Variants in FAT3 observed in about 807,000 individuals in gnomAD.
The protein encoded by FAT3 is FAT atypical cadherin 3.
FAT3 carries 95 observed loss-of-function variants against 310.2 expected under a neutral mutation model. That is an observed-to-expected ratio of 0.31 (90% CI 0.26 to 0.36). The LOEUF is 0.36. Among genes scored for constraint, FAT3 ranks in the 10% least tolerant of loss-of-function variants. The probability of loss-of-function intolerance (pLI) is 1.00; values close to 1 mark genes in which losing one functional copy is unlikely to be tolerated. For missense variants in FAT3, 5,408 were observed against 5,715.6 expected, an observed-to-expected ratio of 0.95 and a Z score of 1.74; for synonymous variants, 2,314 against 2,192.9, an observed-to-expected ratio of 1.06 and a Z score of -1.54.
chr11:92,841,799 C>T (rs1413519558), intron 18 of FAT3, among the ~76,000 whole-genome samples: 1 of 152,188 alleles, frequency 6.6e-6, no homozygotes, highest in African/African-American at 2.4e-5. Context: ...TTCCTTTCTT[C>T]AGTCACATTC....
Position 92,705,848 on chromosome 11 carries a change from G to A in FAT3, c.3669+8403G>A, listed in dbSNP as rs1163001217. Among the ~76,000 whole-genome samples the A allele has an allele frequency of 2.1e-3, 259 of 120,790 alleles. 2 individuals carry two copies. Among genetic ancestry groups the A allele is most frequent in the African/African-American group, 7.4e-3 (239 of 32,408 alleles). The allele number at this position is 120,790 out of a possible 152,430, so 79.2% of individuals were successfully genotyped here. ...GTGGTGGTGATGGTGGTGGTGTGAT[G>A]GTGGTAGTGATGGTGGTGGTGTGAT... On this transcript the variant is annotated intron_variant, in intron 4 of 27. Transcript: ENST00000525166.
intron 3 of FAT3, among the ~76,000 whole-genome samples, chr11:92,630,921 T>C (rs1218637970): frequency 6.6e-6 from 1 of 152,240 alleles, no homozygotes. Flanking sequence ...AATGAAAGCA[T>C]GAACCATCTA....
intron 1 of FAT3, among the ~76,000 whole-genome samples, chr11:92,235,432 G>C (rs961114410): frequency 3.9e-5 from 6 of 152,138 alleles, no homozygotes; most frequent in African/African-American, 1.4e-4. Context: ...CACATGCCTT[G>C]TAATGAAATT....
At chr11:92,553,690 TTCCTTCCTTCCTTCCTTC>T (rs1954901751) in intron 3 of FAT3, among the ~76,000 whole-genome samples, 1 of 58,008 alleles carries the variant, frequency 1.7e-5, no homozygotes. Flanking sequence ...CCTTCCTTCC[TTCCTTCCTTCCTTCCTTC>T]CTTCCTTCCT....
rs73550905 is a variant in FAT3 at position 92,460,846 on chromosome 11, G to A, written c.3293-63788G>A. On this transcript the variant is annotated intron_variant, in intron 2 of 27. Transcript: ENST00000525166. ...AACAGGAAGCTTTTTGATATAGAAT[G>A]TTTCTCCTTGAATAGGGGAGGCAAC... Among the ~76,000 whole-genome samples, 1,322 of 152,276 alleles carry A rather than the reference G, an allele frequency of 8.7e-3. 11 individuals are homozygous for A. The highest frequency in any genetic ancestry group is 0.031 in the African/African-American group (1,276 of 41,564).
intron 3 of FAT3, among the ~76,000 whole-genome samples, chr11:92,602,776 A>G (rs1459620312): frequency 1.3e-5 from 2 of 152,220 alleles, no homozygotes; most frequent in African/African-American, 4.8e-5. Flanking sequence ...ATTGATATCT[A>G]GATAGTAGAT....
chr11:92,857,048 T>C (rs1261471009), intron 19 of FAT3, among the ~76,000 whole-genome samples, 166 bp from the exon 20 acceptor site: 1 of 152,198 alleles, frequency 6.6e-6, no homozygotes, highest in African/African-American at 2.4e-5. Context: ...GTGAAGCCCA[T>C]TCAGGTGTGC....
intron 3 of FAT3, among the ~76,000 whole-genome samples, chr11:92,585,555 G>A (rs578717): frequency 2.6e-5 from 4 of 151,846 alleles, no homozygotes; most frequent in African/African-American, 2.4e-5. Context: ...ACAAAGCACC[G>A]GTGCAGCTCC....
intron 2 of FAT3, among the ~76,000 whole-genome samples, chr11:92,492,295 C>CCATT (rs1952629264): frequency 6.7e-6 from 1 of 148,448 alleles, no homozygotes; most frequent in Non-Finnish European, 1.5e-5. Flanking sequence ...ATCCATTCAT[C>CCATT]CATCCATCCA....
intron 6 of FAT3, among the ~76,000 whole-genome samples, chr11:92,765,791 G>GT (rs929666906): frequency 4.0e-5 from 6 of 150,722 alleles, no homozygotes; most frequent in African/African-American, 1.2e-4. Flanking sequence ...TTTTTTTGAG[G>GT]GGGGGGTTGT....
At chr11:92,410,975 A>T (rs1009861381) in intron 2 of FAT3, among the ~76,000 whole-genome samples, 6 of 150,402 alleles carry the variant, frequency 4.0e-5, no homozygotes, top group East Asian at 1.9e-4. Flanking sequence ...TTATGGGACA[A>T]CTTCAAATGC....
chr11:92,752,531 A>G (rs1000288289), intron 4 of FAT3, among the ~76,000 whole-genome samples: 4 of 152,380 alleles, frequency 2.6e-5, no homozygotes, highest in East Asian at 3.9e-4. Flanking sequence ...ACCTGTTATC[A>G]TTATGATTAT....
chr11:92,283,353 C>T (rs1438577149), intron 1 of FAT3, among the ~76,000 whole-genome samples: 2 of 152,126 alleles, frequency 1.3e-5, no homozygotes, highest in Admixed American at 1.3e-4. Flanking sequence ...GTTTTTGACA[C>T]CAAACCACCA....
intron 13 of FAT3, among the ~76,000 whole-genome samples, chr11:92,815,705 A>G (rs562305884): frequency 2.1e-4 from 32 of 152,358 alleles, no homozygotes; most frequent in African/African-American, 7.2e-4. Context: ...AATTTCAAAC[A>G]TGGGCACCAG....
intron 2 of FAT3, among the ~76,000 whole-genome samples, chr11:92,362,500 G>A (rs907837123): frequency 1.3e-5 from 2 of 152,166 alleles, no homozygotes; most frequent in Non-Finnish European, 2.9e-5. Flanking sequence ...GAAAGAAGGA[G>A]AGCCAGGTCA....
chr11:92,567,903 AG>A (rs919713841), intron 3 of FAT3, among the ~76,000 whole-genome samples: 12 of 52,360 alleles, frequency 2.3e-4, no homozygotes, highest in Middle Eastern at 7.6e-3. Flanking sequence ...GGGTTGGGGG[AG>A]GGGGGAGGGA....
At chr11:92,290,001 C>A (rs911017554) in intron 1 of FAT3, among the ~76,000 whole-genome samples, 1 of 152,078 alleles carries the variant, frequency 6.6e-6, no homozygotes, top group Non-Finnish European at 1.5e-5. Context: ...TGAGTTTTGA[C>A]ACACTGTCCC....
chr11:92,822,174 A>G (rs919785799), intron 13 of FAT3, among the ~76,000 whole-genome samples: 5 of 152,188 alleles, frequency 3.3e-5, no homozygotes, highest in African/African-American at 1.2e-4. Flanking sequence ...AATTCCTTCC[A>G]AAAAGGAGGT....
At chr11:92,674,204 A>G (rs1402231942) in intron 3 of FAT3, among the ~76,000 whole-genome samples, 1 of 148,232 alleles carries the variant, frequency 6.7e-6, no homozygotes, top group Non-Finnish European at 1.5e-5. Flanking sequence ...TAATAATAAT[A>G]ATAATAATAA....
Sources: allele counts gnomAD v4.1 joint callset (sites outside exome capture counted in the v4.1 genomes callset), GRCh38; gene constraint gnomAD v4.1.1; transcripts MANE v1.5; gene names NCBI Gene and HGNC (gene_info 2026-07-23, HGNC 2026-07-21).